The following MCFD2 variants were observed in gnomAD, a reference collection of about 807,000 sequenced individuals.
The protein encoded by MCFD2 is multiple coagulation factor deficiency protein 2.
A neutral mutation model predicts 12.8 loss-of-function variants in MCFD2; 11 were observed. That is an observed-to-expected ratio of 0.86 (90% CI 0.54 to 1.42). The LOEUF (loss-of-function observed/expected upper bound fraction) is 1.42. Among genes scored for constraint, MCFD2 ranks in the 40% most tolerant of loss-of-function variants. The pLI, the probability that MCFD2 is intolerant of heterozygous loss-of-function variation, is 0.00. For missense variants in MCFD2, 191 were observed against 178.6 expected, an observed-to-expected ratio of 1.07 and a Z score of -0.40; for synonymous variants, 70 against 68.1, an observed-to-expected ratio of 1.03 and a Z score of -0.14.
intron 1 of MCFD2, among the ~76,000 whole-genome samples, chr2:46,923,885 A>C (rs1669242886): frequency 6.6e-6 from 1 of 152,074 alleles, no homozygotes; most frequent in Non-Finnish European, 1.5e-5. Flanking sequence ...GGCGCCTGCC[A>C]CCACGCCCAG....
At chr2:46,911,048 C>A (rs1294933424) in intron 1 of MCFD2, among the ~76,000 whole-genome samples, 1 of 152,142 alleles carries the variant, frequency 6.6e-6, no homozygotes, top group East Asian at 1.9e-4. Flanking sequence ...AAGAAACTTC[C>A]AGGGTGCTAA....
upstream of MCFD2, among the ~76,000 whole-genome samples, chr2:46,919,283 C>A (rs1382690643): frequency 6.6e-6 from 1 of 152,154 alleles, no homozygotes; most frequent in African/African-American, 2.4e-5. Flanking sequence ...GCCTGTAATC[C>A]CAGCACTTTG....
Position 46,941,405 on chromosome 2 carries a change from C to G in MCFD2, c.-8+167G>C. The G allele has an allele frequency of 1.3e-6, 1 of 767,252 alleles. No homozygotes were observed. The highest frequency in any genetic ancestry group is 1.7e-6 in the Non-Finnish European group (1 of 591,686). The allele number at this position is 767,252 out of a possible 1,614,324, so 47.5% of individuals were successfully genotyped here. On this transcript the variant is annotated intron_variant, in intron 1 of 2. Coordinates refer to the MCFD2 transcript ENST00000409147. This position sits in a 1 kb window ranked among gnomAD's most constrained non-coding sequence, Gnocchi z 4.2. ...TGCTGCCCACCCTCCGCCGCCCGGG[C>G]CCCCGCTGCCGCCCGGGCCCCGGCT...
rs1217530276 is a variant in MCFD2, at chr2:46,915,753, C to T, written c.-37G>A. The T allele has an allele frequency of 3.1e-6, 3 of 980,656 alleles. No homozygotes were observed. In the East Asian group the frequency reaches 3.4e-4, roughly 112 times the overall value. 60.7% of individuals were successfully genotyped at this position (980,656 alleles called of 1,614,324 possible). On this transcript the variant is annotated 5_prime_UTR_variant, in exon 1 of 4. Transcript: ENST00000319466. ...CGGTCTCCGAAGCAGACGCGAAGCC[C>T]TCCAACGTGAGCCTCACCAGCCCCC...
intron 1 of MCFD2, among the ~76,000 whole-genome samples, chr2:46,913,005 G>A (rs747456900): frequency 6.6e-6 from 1 of 152,024 alleles, no homozygotes; most frequent in Admixed American, 6.6e-5. Flanking sequence ...TATCAATTTG[G>A]TGTGTGTGTG....
chr2:46,917,376 T>G, upstream of MCFD2: 1 of 589,674 alleles, frequency 1.7e-6, no homozygotes, highest in South Asian at 2.1e-5. Flanking sequence ...TTGGATTAGT[T>G]TGATCTAGTT....
Position 46,912,640 on chromosome 2 carries a change from C to G in MCFD2, c.-7+3083G>C, listed in dbSNP as rs564837715. The G allele has an allele frequency of 3.3e-5, 5 of 152,344 alleles. No homozygotes were observed. The East Asian group carries it at 9.6e-4, about 29-fold the overall frequency. The allele number at this position is 152,344 out of a possible 1,614,324, so 9.4% of individuals were successfully genotyped here. The stretch of plus-strand genomic sequence containing the variant: ...CAAGTGCTTCCCTTCAGAAGGCTCC[C>G]GTCCACAGCTGATGACAGCTGCAAA... On this transcript the variant is annotated intron_variant, in intron 1 of 3. Coordinates refer to ENST00000319466, the MANE Select transcript of MCFD2 (RefSeq NM_139279.6).
At chr2:46,924,261 T>A (rs1379541800) in intron 1 of MCFD2, among the ~76,000 whole-genome samples, 1 of 149,856 alleles carries the variant, frequency 6.7e-6, no homozygotes, top group Non-Finnish European at 1.5e-5. Flanking sequence ...TCAAAGTCCC[T>A]GTAAACCAGT....
At chr2:46,916,323 C>G (rs554171448), upstream of MCFD2, 2 of 310,490 alleles carry the variant, frequency 6.4e-6, no homozygotes, top group Non-Finnish European at 9.4e-6. Context: ...TCTGCCAGCT[C>G]CACTGCACAA....
upstream of MCFD2, chr2:46,915,806 G>GGGGGGGGGGGGGGCCCC: frequency 2.0e-6 from 1 of 512,582 alleles, no homozygotes; most frequent in Non-Finnish European, 2.1e-6. Context: ...CCTCGGCTTC[G>GGGGGGGGGGGGGGCCCC]CCCCGCCCCC....
upstream of MCFD2, among the ~76,000 whole-genome samples, chr2:46,920,490 C>T (rs1463887884): frequency 6.6e-6 from 1 of 151,766 alleles, no homozygotes; most frequent in Non-Finnish European, 1.5e-5. Flanking sequence ...CCACCACGCC[C>T]AGCTAATTTT....
chr2:46,936,280 T>C lies in MCFD2; in HGVS notation c.-8+5292A>G, dbSNP rs571173612. Among the ~76,000 whole-genome samples, 7 of 152,340 alleles carry C rather than the reference T, an allele frequency of 4.6e-5. No individual in the cohort carries two copies. The South Asian group carries it at 1.4e-3, about 32-fold the overall frequency. ...GTCTGTGTTCATCCTTGTCATTTTT[T>C]TGTTGTGCATCTGTAAGAGGAAAGT... On this transcript the variant is annotated intron_variant, in intron 1 of 2. Coordinates refer to the MCFD2 transcript ENST00000409147.
At chr2:46,926,070 G>A (rs1157088398) in intron 1 of MCFD2, among the ~76,000 whole-genome samples, 2 of 152,132 alleles carry the variant, frequency 1.3e-5, no homozygotes, top group South Asian at 2.1e-4. Flanking sequence ...TCTTATTTCT[G>A]TGTCTGTTTT....
At chr2:46,924,076 G>T (rs560072228) in intron 1 of MCFD2, among the ~76,000 whole-genome samples, 2 of 152,042 alleles carry the variant, frequency 1.3e-5, no homozygotes, top group East Asian at 1.9e-4. Context: ...GTGGTGGTGT[G>T]GGCCTGTAGT....
chr2:46,927,704 A>G (rs1007494096), intron 1 of MCFD2, among the ~76,000 whole-genome samples: 7 of 152,050 alleles, frequency 4.6e-5, no homozygotes, highest in Admixed American at 1.3e-4. Context: ...CTGACTTCTC[A>G]CAACAGGAAC....
intron 1 of MCFD2, among the ~76,000 whole-genome samples, chr2:46,925,001 C>G (rs1299074634): frequency 6.6e-6 from 1 of 152,218 alleles, no homozygotes; most frequent in East Asian, 1.9e-4. Flanking sequence ...AGCTTGGATA[C>G]TGAAGTAACT....
At chr2:46,922,510 G>A (rs1405640055) in intron 1 of MCFD2, among the ~76,000 whole-genome samples, 1 of 151,682 alleles carries the variant, frequency 6.6e-6, no homozygotes, top group Non-Finnish European at 1.5e-5. Flanking sequence ...TGCGGGCAGA[G>A]TGTAATTATA....
intron 1 of MCFD2, among the ~76,000 whole-genome samples, chr2:46,936,786 C>A (rs1441150800): frequency 6.6e-6 from 1 of 151,944 alleles, no homozygotes; most frequent in East Asian, 1.9e-4. Context: ...AAAGTGAACA[C>A]AATTCCAAAC....
chr2:46,928,606 C>G (rs1026556615), intron 1 of MCFD2, among the ~76,000 whole-genome samples: 2 of 151,646 alleles, frequency 1.3e-5, no homozygotes, highest in African/African-American at 4.9e-5. Context: ...CCTGTCTCTA[C>G]GAAAAATATA....
Sources: gnomAD v4.1 joint callset for allele counts (sites outside exome capture counted in the v4.1 genomes callset) on GRCh38, gnomAD v4.1.1 for gene constraint, Gnocchi (gnomAD v3.1) non-coding constraint, MANE v1.5 for transcripts, NCBI Gene and HGNC (gene_info 2026-07-23, HGNC 2026-07-21) for gene names.